The following FAM210B variants were observed in gnomAD, a reference collection of about 807,000 sequenced individuals.
The protein encoded by FAM210B is family with sequence similarity 210 member B.
Under a neutral mutation model 14.9 loss-of-function variants are expected in FAM210B, and 11 were observed. That is an observed-to-expected ratio of 0.74 (90% CI 0.46 to 1.22). The LOEUF is 1.22. Among genes scored for constraint, FAM210B ranks in the 50% most tolerant of loss-of-function variants. The pLI is 0.00. For synonymous variants in FAM210B, 113 were observed against 110.2 expected (o/e 1.03, Z -0.16); for missense variants, 229 against 250.1 (o/e 0.92, Z 0.57).
In FAM210B at chr20:56,359,138, A is replaced by G. The variant is rs919254179; in HGVS notation, c.133A>G (p.Arg45Gly). Reference protein sequence around the residue: ...PPLALALLPPRLDARLLRTAR... With the variant: ...PPLALALLPPGLDARLLRTAR... Reference sequence around the variant, plus strand: ...CCTGGCCCTGGCCCTGCTCCCGCCCAGGCTAGACGCCCGGCTGCTCCGCAC... The same window carrying G: ...CCTGGCCCTGGCCCTGCTCCCGCCCGGGCTAGACGCCCGGCTGCTCCGCAC... The change falls in exon 1 of 3, where the codon AGG (arginine) becomes GGG (glycine). Residue 45 changes from arginine (R) to glycine (G), a missense_variant. By Grantham distance (125) the Arg-to-Gly change is moderately radical. Around this residue, in one of 3 missense-constraint regions of FAM210B, gnomAD observed 144 missense variants for 132.5 expected, o/e 1.09. Transcript: ENST00000371384. The surrounding 1 kb of genome is among the most constrained non-coding windows in gnomAD (Gnocchi z 4.3). The G allele has an allele frequency of 2.4e-6, 3 of 1,266,566 alleles. No individual in the cohort carries two copies. The highest frequency in any genetic ancestry group is 2.0e-6 in the Non-Finnish European group (2 of 1,012,926). The allele number at this position is 1,266,566 out of a possible 1,614,324, so 78.5% of individuals were successfully genotyped here. A position where few individuals can be genotyped will look rare whatever the true frequency, so the allele number is the denominator to read the frequency against.
Position 56,359,899 on chromosome 20 carries a change from G to A in FAM210B, c.186+708G>A, listed in dbSNP as rs1983497753. 6.6e-6 allele frequency among the ~76,000 whole-genome samples: 1 copy of A among 152,216 alleles called. No individual in the cohort carries two copies. The highest frequency in any genetic ancestry group is 1.5e-5 in the Non-Finnish European group (1 of 68,020). On this transcript the variant is annotated intron_variant, in intron 1 of 2. Transcript: ENST00000371384. This position sits in a 1 kb window ranked among gnomAD's most constrained non-coding sequence, Gnocchi z 4.3. ...CAGTCTGGAGCCTCTTTGTTTGCCT[G>A]GGTGCAGACAGGGCCCCTCCATTCA... is the stretch of plus-strand genomic sequence containing the variant.
At position 56,368,646 on chromosome 20, in the gene FAM210B, T is replaced by C. The variant is rs1015645487; in HGVS notation, c.*2359T>C. 1.3e-5 allele frequency: 2 copies of C among 152,246 alleles called. No homozygotes were observed. Among genetic ancestry groups the C allele is most frequent in the African/African-American group, 4.8e-5 (2 of 41,468 alleles). The allele number at this position is 152,246 out of a possible 1,614,324, so 9.4% of individuals were successfully genotyped here. ...TTTATGGAACTAGCAGAATAAAACA[T>C]CTATTTTAAAAATGAAAGCCATTGT... On this transcript the variant is annotated 3_prime_UTR_variant, in exon 3 of 3. Transcript: ENST00000371384.
Position 56,359,042 on chromosome 20 carries a change from AG to A in FAM210B, c.40del (p.Val14TrpfsTer33). On this transcript the variant is annotated frameshift_variant, in exon 1 of 3. Coordinates refer to ENST00000371384, the MANE Select transcript of FAM210B (RefSeq NM_080821.3). LOFTEE classifies it high-confidence loss of function. The surrounding 1 kb of genome is among the most constrained non-coding windows in gnomAD (Gnocchi z 4.3). ...GLLALLGPAG[R>X]VGARVRPRAT... is the part of the protein sequence containing the mutation. ...GCTGGCGTTGCTGGGTCCGGCAGGC[AG>A]GGTGGGCGCCCGGGTCCGGCCTCGC... The A allele has an allele frequency of 7.4e-7, 1 of 1,350,210 alleles. No homozygotes were observed. Among genetic ancestry groups the A allele is most frequent in the South Asian group, 1.6e-5 (1 of 61,826 alleles). 83.6% of individuals were successfully genotyped at this position (1,350,210 alleles called of 1,614,324 possible).
At position 56,363,041 on chromosome 20, in the gene FAM210B, C is replaced by T. The variant is rs373216559; in HGVS notation, c.187-2046C>T. On this transcript the variant is annotated intron_variant, in intron 1 of 2. Transcript: ENST00000371384. The surrounding 1 kb of genome is among the most constrained non-coding windows in gnomAD (Gnocchi z 4.1). ...CGATGCCCTCCACAGCCATCCTGGC[C>T]GGGGGTGGCAGGACTAGTCAGAAGG... Among the ~76,000 whole-genome samples, 9 of 152,274 alleles carry T rather than the reference C, an allele frequency of 5.9e-5. No homozygotes were observed. Among genetic ancestry groups the T allele is most frequent in the African/African-American group, 1.7e-4 (7 of 41,552 alleles).
At chr20:56,360,114 A>C (rs539614952) in intron 1 of FAM210B, 1 of 453,714 alleles carries the variant, frequency 2.2e-6, no homozygotes. Context: ...TAAGGAGCGG[A>C]TGGGGATTGG....
In FAM210B at chr20:56,366,292, C is replaced by T. The variant is rs199783175; in HGVS notation, c.*5C>T. ...CCTCCAGCTGCAAAACCTTAATGAA[C>T]TCTTCAGTCGTACACACTGAAAACC... On this transcript the variant is annotated 3_prime_UTR_variant, in exon 3 of 3. Transcript: ENST00000371384. The T allele has an allele frequency of 1.2e-6, 2 of 1,612,888 alleles. No individual in the cohort carries two copies. The highest frequency in any genetic ancestry group is 1.1e-5 in the South Asian group (1 of 91,058).
chr20:56,366,038 T>A, intron 2 of FAM210B, 33 bp from the exon 3 acceptor site: 1 of 1,518,386 alleles, frequency 6.6e-7, no homozygotes, highest in Non-Finnish European at 9.1e-7. Flanking sequence ...TCCCTTGCTG[T>A]AATAATTGTT....
Position 56,366,223 on chromosome 20 carries a change from T to C in FAM210B, c.515T>C (p.Val172Ala), listed in dbSNP as rs751435785. 6.2e-7 allele frequency: 1 copy of C among 1,614,112 alleles called. No homozygotes were observed. Among genetic ancestry groups the C allele is most frequent in the South Asian group, 1.1e-5 (1 of 91,092 alleles). ...AGAATCAGCATTACGCTAGTCTCTG[T>C]GCCCTTGATTGTCAGATATTTTCGA... ...PVRISITLVSVPLIVRYFRKV... is the reference protein window; with the variant it reads ...PVRISITLVSAPLIVRYFRKV... Residue 172 changes from valine (V) to alanine (A), a missense_variant, in exon 3 of 3, where the codon GTG (valine) becomes GCG (alanine). This residue lies in a region of FAM210B where 53 missense variants were observed against 55.4 expected (regional missense o/e 0.96). Coordinates refer to ENST00000371384, the MANE Select transcript of FAM210B (RefSeq NM_080821.3).
Position 56,358,976 on chromosome 20 carries a change from C to A in FAM210B, c.-30C>A, listed in dbSNP as rs1221863622. 1.7e-6 allele frequency: 2 copies of A among 1,189,244 alleles called. No homozygotes were observed. The highest frequency in any genetic ancestry group is 4.0e-5 in the East Asian group (1 of 25,034). The allele number at this position is 1,189,244 out of a possible 1,614,324, so 73.7% of individuals were successfully genotyped here. A position where few individuals can be genotyped will look rare whatever the true frequency, so the allele number is the denominator to read the frequency against. On this transcript the variant is annotated 5_prime_UTR_variant, in exon 1 of 3. Transcript: ENST00000371384. ...GGCCTCCGCCCGCCTCCCGGGTCAG[C>A]GGCGCGGGTGCTGCGCCTAGCTGCG...
Position 56,366,161 on chromosome 20 carries a change from G to A in FAM210B, c.453G>A (p.Val151=), listed in dbSNP as rs1983630652. ...SKMAAGTSTF[V]VAYAIHKLFA... ...TGGCAGCAGGCACAAGTACCTTCGT[G>A]GTGGCCTATGCAATCCACAAGCTGT... The change falls in exon 3 of 3, where the codon GTG becomes GTA. Residue 151 remains valine (V), a synonymous_variant. Coordinates refer to ENST00000371384, the MANE Select transcript of FAM210B (RefSeq NM_080821.3). The A allele has an allele frequency of 3.7e-6, 6 of 1,614,006 alleles. No individual in the cohort carries two copies. The highest frequency in any genetic ancestry group is 1.6e-4 in the Middle Eastern group (1 of 6,084).
chr20:56,359,731 C>A lies in FAM210B; in HGVS notation c.186+540C>A, dbSNP rs1449835155. Among the ~76,000 whole-genome samples, 1 of 152,184 alleles carries A rather than the reference C, an allele frequency of 6.6e-6. No individual in the cohort carries two copies. Among genetic ancestry groups the A allele is most frequent in the Non-Finnish European group, 1.5e-5 (1 of 68,026 alleles). On this transcript the variant is annotated intron_variant, in intron 1 of 2. Transcript: ENST00000371384. The surrounding 1 kb of genome is among the most constrained non-coding windows in gnomAD (Gnocchi z 4.3). ...TGGTTTTCCTTCAGAGCAGTCATAC[C>A]AGCTTTCCTTTCAAGAAATCTATCA...
At position 56,365,134 on chromosome 20, in the gene FAM210B, A is replaced by G; in HGVS notation, c.234A>G (p.Thr78=). The stretch of plus-strand genomic sequence containing the variant: ...CAACAGGCAGCAGCGTCAGCTGCAC[A>G]GAGGAGAAAAAGCAAAGCAAGTCAC... ...TGTTGSSVSC[T]EEKKQSKSQQ... The change falls in exon 2 of 3, where the codon ACA becomes ACG. Residue 78 remains threonine (T), a synonymous_variant. Coordinates refer to ENST00000371384, the MANE Select transcript of FAM210B (RefSeq NM_080821.3). 2 of 1,614,070 alleles carry G rather than the reference A, an allele frequency of 1.2e-6. No homozygotes were observed. The highest frequency in any genetic ancestry group is 2.2e-5 in the East Asian group (1 of 44,882).
At chr20:56,364,070 G>T (rs151282385) in intron 1 of FAM210B, among the ~76,000 whole-genome samples, 84 of 152,314 alleles carry the variant, frequency 5.5e-4, no homozygotes, top group African/African-American at 1.9e-3. Flanking sequence ...CTGGCTCAGA[G>T]AAAATGCTTG....
rs1569024475 is a variant in FAM210B at position 56,366,336 on chromosome 20, T to A, written c.*49T>A. On this transcript the variant is annotated 3_prime_UTR_variant, in exon 3 of 3. Transcript: ENST00000371384. ...GAAAACCTATTTCTTCTAAATTACA[T>A]GATTTGGATTGGTTTTAGGGTTTTA... is the stretch of plus-strand genomic sequence containing the variant. The A allele has an allele frequency of 1.3e-6, 2 of 1,581,884 alleles. No individual in the cohort carries two copies. The highest frequency in any genetic ancestry group is 2.2e-5 in the South Asian group (2 of 89,580).
chr20:56,363,933 T>G lies in FAM210B; in HGVS notation c.187-1154T>G, dbSNP rs1403099500. Among the ~76,000 whole-genome samples, 3 of 152,208 alleles carry G rather than the reference T, an allele frequency of 2.0e-5. No individual in the cohort carries two copies. The highest frequency in any genetic ancestry group is 7.2e-5 in the African/African-American group (3 of 41,450). The stretch of plus-strand genomic sequence containing the variant: ...CCTTGGAGGGCCTGGGTTCTAATCT[T>G]GGTGACATCAGGCCAATGACCTCAC... On this transcript the variant is annotated intron_variant, in intron 1 of 2. Coordinates refer to ENST00000371384, the MANE Select transcript of FAM210B (RefSeq NM_080821.3). The surrounding 1 kb of genome is among the most constrained non-coding windows in gnomAD (Gnocchi z 4.1).
intron 1 of FAM210B, among the ~76,000 whole-genome samples, chr20:56,361,875 G>A (rs1329552517): frequency 2.0e-5 from 3 of 152,110 alleles, no homozygotes; most frequent in Admixed American, 6.5e-5. Context: ...TTCTCGGGAG[G>A]CTGAGGCAGG....
At chr20:56,365,288 T>C in intron 2 of FAM210B, 26 bp downstream of exon 2, 1 of 1,600,166 alleles carries the variant, frequency 6.2e-7, no homozygotes, top group Non-Finnish European at 8.5e-7. Context: ...GTAATTAATA[T>C]TTGTTTTTTA....
chr20:56,366,171 G>A lies in FAM210B; in HGVS notation c.463G>A (p.Ala155Thr). ...AGTSTFVVAY[A>T]IHKLFAPVRI... ...CACAAGTACCTTCGTGGTGGCCTAT[G>A]CAATCCACAAGCTGTTTGCGCCAGT... The change falls in exon 3 of 3, where the codon GCA becomes ACA. Residue 155 changes from alanine (A) to threonine (T), a missense_variant. By Grantham distance (58) the Ala-to-Thr change is moderately conservative. Coordinates refer to ENST00000371384, the MANE Select transcript of FAM210B (RefSeq NM_080821.3). 6.2e-7 allele frequency: 1 copy of A among 1,614,186 alleles called. No homozygotes were observed. The highest frequency in any genetic ancestry group is 8.5e-7 in the Non-Finnish European group (1 of 1,180,038).
chr20:56,365,306 G>A, intron 2 of FAM210B, 44 bp downstream of exon 2: 1 of 1,580,852 alleles, frequency 6.3e-7, no homozygotes. Context: ...TTACTGTCAT[G>A]TAAGATTCTA....
Sources: allele counts gnomAD v4.1 joint callset (sites outside exome capture counted in the v4.1 genomes callset), GRCh38; gene constraint gnomAD v4.1.1; regional missense constraint gnomAD v4.1.1; non-coding constraint Gnocchi (gnomAD v3.1); transcripts MANE v1.5; gene names NCBI Gene and HGNC (gene_info 2026-07-23, HGNC 2026-07-21).